SLCO2B1: variants seen among roughly 807,000 people sequenced by gnomAD.
The protein encoded by SLCO2B1 is solute carrier organic anion transporter family member 2B1.
Under a neutral mutation model 67.3 loss-of-function variants are expected in SLCO2B1, and 41 were observed. The observed-to-expected ratio is 0.61, with a 90% CI of 0.47 to 0.79. The LOEUF (loss-of-function observed/expected upper bound fraction) is 0.79. Among genes scored for constraint, SLCO2B1 ranks in the 30% least tolerant of loss-of-function variants. The probability of loss-of-function intolerance (pLI) is 0.00; values close to 1 mark genes in which losing one functional copy is unlikely to be tolerated. For missense variants in SLCO2B1, 837 were observed against 920.1 expected (o/e 0.91, Z 1.17); for synonymous variants, 379 against 381.4 (o/e 0.99, Z 0.07).
intron 10 of SLCO2B1, 25 bp downstream of exon 10, chr11:75,196,704 C>G: frequency 6.2e-7 from 1 of 1,605,872 alleles, no homozygotes; most frequent in South Asian, 1.1e-5. Context: ...TCGTGGCAAC[C>G]TCTGCCCCTC....
chr11:75,189,870 G>A (rs1467521487), intron 8 of SLCO2B1, among the ~76,000 whole-genome samples: 1 of 152,158 alleles, frequency 6.6e-6, no homozygotes, highest in East Asian at 1.9e-4. Flanking sequence ...GCTGAGGTGG[G>A]AGGATTGCTT....
chr11:75,187,764 G>A (rs538376063), intron 7 of SLCO2B1, among the ~76,000 whole-genome samples: 3 of 152,070 alleles, frequency 2.0e-5, no homozygotes, highest in African/African-American at 2.4e-5. Flanking sequence ...TAGTCACAAC[G>A]ATATGGGTGA....
In SLCO2B1 at chr11:75,200,414, G is replaced by T. The variant is rs79468961; in HGVS notation, c.1763+27G>T. 2.9e-4 allele frequency: 456 copies of T among 1,558,112 alleles called. 4 individuals carry two copies. In the African/African-American group the frequency reaches 5.8e-3, roughly 20 times the overall value. On this transcript the variant is annotated intron_variant, in intron 11 of 13. Transcript: ENST00000289575. ...TGAAGGTGGGGGTGGGGCAGGGGCA[G>T]GTGGATACCAGGAGGTCCTTAACCA...
At chr11:75,155,677 C>T (rs953196116) in intron 1 of SLCO2B1, among the ~76,000 whole-genome samples, 5 of 152,258 alleles carry the variant, frequency 3.3e-5, no homozygotes, top group South Asian at 2.1e-4. Flanking sequence ...AGGCTGGTTT[C>T]GAGCTCCTGA....
intron 8 of SLCO2B1, among the ~76,000 whole-genome samples, chr11:75,189,479 C>A (rs1454154091): frequency 6.6e-6 from 1 of 152,158 alleles, no homozygotes; most frequent in African/African-American, 2.4e-5. Context: ...ATATAAGGTA[C>A]AATTATTTCA....
chr11:75,163,182 A>T (rs1949844488), intron 2 of SLCO2B1, among the ~76,000 whole-genome samples: 1 of 152,184 alleles, frequency 6.6e-6, no homozygotes, highest in South Asian at 2.1e-4. Context: ...GCGCTGTGCC[A>T]GGTGCCACTC....
chr11:75,202,846 C>G (rs1238414351), intron 11 of SLCO2B1, 55 bp from the exon 12 acceptor site: 1 of 1,471,984 alleles, frequency 6.8e-7, no homozygotes, highest in Non-Finnish European at 9.5e-7. Context: ...TGATGCATGG[C>G]CCTTGGGGGC....
At chr11:75,203,504 G>A (rs1945219436) in intron 13 of SLCO2B1, 77 bp downstream of exon 13, 3 of 1,579,108 alleles carry the variant, frequency 1.9e-6, no homozygotes, top group East Asian at 2.2e-5. Flanking sequence ...CCAGCAGGGA[G>A]GGGAGGTTTC....
At chr11:75,187,441 G>A (rs1944953322) in intron 7 of SLCO2B1, among the ~76,000 whole-genome samples, 1 of 152,232 alleles carries the variant, frequency 6.6e-6, no homozygotes, top group Admixed American at 6.5e-5. Flanking sequence ...TCATCCAAGA[G>A]GAGCAGTGAC....
In SLCO2B1 at chr11:75,196,573, A is replaced by G. The variant is rs868104786; in HGVS notation, c.1493A>G (p.Asp498Gly). Reference sequence around the variant, plus strand: ...ATGGAGGCCTGCTCCTGCCCATTGGACGGCTTTAACCCTGTCTGCGACCCC... The same window carrying G: ...ATGGAGGCCTGCTCCTGCCCATTGGGCGGCTTTAACCCTGTCTGCGACCCC... ...SCMEACSCPL[D>G]GFNPVCDPST... The change falls in exon 10 of 14, where the codon GAC becomes GGC. Residue 498 changes from aspartate (D) to glycine (G), a missense_variant. Transcript: ENST00000289575. The G allele has an allele frequency of 6.2e-7, 1 of 1,614,034 alleles. No homozygotes were observed. Among genetic ancestry groups the G allele is most frequent in the Middle Eastern group, 1.6e-4 (1 of 6,062 alleles).
Position 75,193,227 on chromosome 11 carries a change from G to C in SLCO2B1, c.1085G>C (p.Arg362Thr). The C allele has an allele frequency of 6.2e-7, 1 of 1,610,014 alleles. No individual in the cohort carries two copies. The highest frequency in any genetic ancestry group is 8.5e-7 in the Non-Finnish European group (1 of 1,178,324). Residue 362 changes from arginine (R) to threonine (T), a missense_variant, in exon 9 of 14, where the codon AGG becomes ACG. Physicochemically the swap from Arg to Thr is moderately conservative, Grantham distance 71. Transcript: ENST00000289575. This position sits in a 1 kb window ranked among gnomAD's most constrained non-coding sequence, Gnocchi z 4.2. The stretch of plus-strand genomic sequence containing the variant: ...GCACTCGCCCCCACAGTCTTCCCCA[G>C]GGTGCTGCTGCAGACCCTACGCCAC... ...TVIQFIKVFP[R>T]VLLQTLRHPI...
At chr11:75,161,980 C>T (rs1591810003) in intron 1 of SLCO2B1, among the ~76,000 whole-genome samples, 1 of 152,172 alleles carries the variant, frequency 6.6e-6, no homozygotes, top group African/African-American at 2.4e-5. Context: ...GTTATCACCC[C>T]ATGGGCCTCT....
At chr11:75,204,309 G>A (rs1409480415) in intron 13 of SLCO2B1, 91 bp from the exon 14 acceptor site, 3 of 1,327,150 alleles carry the variant, frequency 2.3e-6, no homozygotes, top group South Asian at 2.9e-5. Flanking sequence ...TGAGGCCTCA[G>A]TATCTCTGAT....
chr11:75,168,966 A>G (rs930373698), intron 4 of SLCO2B1, among the ~76,000 whole-genome samples: 4 of 152,094 alleles, frequency 2.6e-5, no homozygotes, highest in African/African-American at 4.8e-5. Context: ...CTGAGTTCCA[A>G]TCCTGGCCCT....
At chr11:75,200,579 G>GTTTTTT in intron 11 of SLCO2B1, 192 bp downstream of exon 11, 1 of 524,106 alleles carries the variant, frequency 1.9e-6, no homozygotes, top group South Asian at 3.3e-5. Context: ...TTGCAGATAA[G>GTTTTTT]AAAATTGAGG....
At chr11:75,165,705 G>T (rs982041013) in intron 3 of SLCO2B1, 82 bp from the exon 4 acceptor site, 28 of 1,423,948 alleles carry the variant, frequency 2.0e-5, no homozygotes, top group Non-Finnish European at 2.7e-5. Context: ...GCATACGGAA[G>T]TTAGACATAG....
At chr11:75,155,177 T>C (rs367818935) in intron 1 of SLCO2B1, among the ~76,000 whole-genome samples, 209 of 152,224 alleles carry the variant, frequency 1.4e-3, no homozygotes, top group African/African-American at 4.9e-3. Context: ...CTCACAAAGC[T>C]GGACCTCAAG....
chr11:75,160,323 G>A (rs2851075), intron 1 of SLCO2B1, among the ~76,000 whole-genome samples: 65,847 of 152,052 alleles, frequency 0.43, 17,420 homozygotes, highest in Non-Finnish European at 0.6. Context: ...CACTTACCTG[G>A]GCTTGAGTCC....
At position 75,196,535 on chromosome 11, in the gene SLCO2B1, G is replaced by A. The variant is rs1375449123; in HGVS notation, c.1455G>A (p.Leu485=). 1 of 1,613,830 alleles carries A rather than the reference G, an allele frequency of 6.2e-7. No homozygotes were observed. The highest frequency in any genetic ancestry group is 8.5e-7 in the Non-Finnish European group (1 of 1,179,960). ...HQTSAHPGLE[L]SPSCMEACSC... ...CCAGTGCCCACCCTGGGCTGGAGCT[G>A]TCTCCAAGCTGCATGGAGGCCTGCT... Residue 485 remains leucine (L), a synonymous_variant, in exon 10 of 14, where the codon CTG becomes CTA. Coordinates refer to ENST00000289575, the MANE Select transcript of SLCO2B1 (RefSeq NM_007256.5).
Sources: gnomAD v4.1 joint callset for allele counts (sites outside exome capture counted in the v4.1 genomes callset) on GRCh38, gnomAD v4.1.1 for gene constraint, Gnocchi (gnomAD v3.1) non-coding constraint, MANE v1.5 for transcripts, NCBI Gene and HGNC (gene_info 2026-07-23, HGNC 2026-07-21) for gene names.